Variants in NEO1 observed in about 807,000 individuals in gnomAD.
The protein encoded by NEO1 is neogenin.
NEO1 carries 63 observed loss-of-function variants against 159.7 expected under a neutral mutation model. That is an observed-to-expected ratio of 0.39 (90% CI 0.32 to 0.49). The LOEUF is 0.49. NEO1 is among the 20% of genes least tolerant of loss of function. NEO1 has a pLI of 0.85. For synonymous variants in NEO1, 633 were observed against 662.0 expected (o/e 0.96, Z 0.67); for missense variants, 1,615 against 1,831.0 (o/e 0.88, Z 2.15).
chr15:73,296,303 C>T (rs2042365072), intron 26 of NEO1, among the ~76,000 whole-genome samples: 1 of 152,144 alleles, frequency 6.6e-6, no homozygotes, highest in Non-Finnish European at 1.5e-5. Flanking sequence ...CTAGCCAGCT[C>T]CTACCCTGCC....
intron 7 of NEO1, among the ~76,000 whole-genome samples, chr15:73,190,456 A>G (rs1161277017): frequency 6.6e-6 from 1 of 152,206 alleles, no homozygotes; most frequent in Non-Finnish European, 1.5e-5. Context: ...TTATGGCCAT[A>G]GTAGATAAGA....
chr15:73,088,630 G>T (rs1414708140), intron 1 of NEO1, among the ~76,000 whole-genome samples: 1 of 152,030 alleles, frequency 6.6e-6, no homozygotes, highest in East Asian at 1.9e-4. Flanking sequence ...AATAGAATGG[G>T]TCAGGGTAAA....
intron 15 of NEO1, among the ~76,000 whole-genome samples, chr15:73,263,618 CTTGTTTCTAAAA>C (rs66579100): frequency 0.3 from 46,073 of 151,920 alleles, 7,673 homozygotes; most frequent in East Asian, 0.57. Context: ...TTTTGAAACA[CTTGTTTCTAAAA>C]TTAAAATCTG....
chr15:73,139,301 A>G (rs916746710), intron 5 of NEO1, among the ~76,000 whole-genome samples: 4 of 152,300 alleles, frequency 2.6e-5, no homozygotes, highest in Non-Finnish European at 5.9e-5. Context: ...CAGAAAACAC[A>G]GGCAACGAAA....
intron 5 of NEO1, among the ~76,000 whole-genome samples, chr15:73,159,097 C>T (rs1331131504): frequency 2.0e-5 from 3 of 152,038 alleles, no homozygotes; most frequent in Non-Finnish European, 4.4e-5. Flanking sequence ...GATTCTGTCT[C>T]AAAAATTTTT....
chr15:73,097,721 T>G (rs999191464), intron 1 of NEO1, among the ~76,000 whole-genome samples: 2 of 151,274 alleles, frequency 1.3e-5, no homozygotes, highest in Non-Finnish European at 2.9e-5. Context: ...TATTTTCTAT[T>G]ATGATGAGAT....
chr15:73,136,032 G>T lies in NEO1; in HGVS notation c.1015+5G>T, dbSNP rs369404550. The T allele has an allele frequency of 1.3e-6, 2 of 1,589,330 alleles. No individual in the cohort carries two copies. The highest frequency in any genetic ancestry group is 1.7e-6 in the Non-Finnish European group (2 of 1,172,588). ...AAGCAGAGCTTACAGTGCAAGGTAT[G>T]TAAATATTTACTGTATAATTTAAAA... is the stretch of plus-strand genomic sequence containing the variant. On this transcript the variant is annotated splice_donor_5th_base_variant and intron_variant, in intron 5 of 28. Coordinates refer to ENST00000261908, the MANE Select transcript of NEO1 (RefSeq NM_002499.4).
chr15:73,158,315 A>G (rs2033932762), intron 5 of NEO1, among the ~76,000 whole-genome samples: 1 of 141,708 alleles, frequency 7.1e-6, no homozygotes, highest in Non-Finnish European at 1.5e-5. Flanking sequence ...ATGGCATTTC[A>G]TTGACTTTAC....
intron 5 of NEO1, among the ~76,000 whole-genome samples, chr15:73,158,403 A>C (rs2033938359): frequency 6.6e-6 from 1 of 151,666 alleles, no homozygotes; most frequent in African/African-American, 2.4e-5. Flanking sequence ...GTATATTATT[A>C]TTACCATTTT....
chr15:73,116,502 G>T, intron 1 of NEO1, 38 bp from the exon 2 acceptor site: 2 of 1,470,586 alleles, frequency 1.4e-6, no homozygotes, highest in South Asian at 1.5e-5. Context: ...ATAGAAGAGA[G>T]ATTTGCTTAA....
intron 5 of NEO1, among the ~76,000 whole-genome samples, chr15:73,159,702 G>A (rs1056858715): frequency 3.3e-5 from 5 of 152,032 alleles, no homozygotes; most frequent in African/African-American, 4.8e-5. Context: ...CTATTTGGTG[G>A]TTCCTAATCT....
chr15:73,156,504 A>G (rs2033788606), intron 5 of NEO1, among the ~76,000 whole-genome samples: 2 of 152,188 alleles, frequency 1.3e-5, no homozygotes, highest in Admixed American at 1.3e-4. Flanking sequence ...CTCTTGACCT[A>G]CTGGGAAGCC....
chr15:73,250,609 T>G (rs1055201593), intron 11 of NEO1, among the ~76,000 whole-genome samples: 1 of 152,140 alleles, frequency 6.6e-6, no homozygotes, highest in African/African-American at 2.4e-5. Context: ...CTGATCATGA[T>G]GAAACAATCA....
At chr15:73,222,484 G>A (rs2038351710) in intron 7 of NEO1, among the ~76,000 whole-genome samples, 1 of 151,978 alleles carries the variant, frequency 6.6e-6, no homozygotes, top group Non-Finnish European at 1.5e-5. Context: ...AAAGCTAGGA[G>A]GGTTGTACTT....
In NEO1 at chr15:73,168,322, T is replaced by C. The variant is rs1164872458; in HGVS notation, c.1016-8081T>C. ...CCTCAGCCTCCCAAGTAGCTGGAAT[T>C]ACAGGCATGCACCACAGGGTCCAGC... On this transcript the variant is annotated intron_variant, in intron 5 of 28. Coordinates refer to ENST00000261908, the MANE Select transcript of NEO1 (RefSeq NM_002499.4). Among the ~76,000 whole-genome samples, 6 of 139,658 alleles carry C rather than the reference T, an allele frequency of 4.3e-5. No homozygotes were observed. The East Asian group carries it at 1.3e-3, about 30-fold the overall frequency. The allele number at this position is 139,658 out of a possible 152,430, so 91.6% of individuals were successfully genotyped here. A position where few individuals can be genotyped will look rare whatever the true frequency, so the allele number is the denominator to read the frequency against.
At chr15:73,057,103 C>A (rs1008247663) in intron 1 of NEO1, among the ~76,000 whole-genome samples, 3 of 152,102 alleles carry the variant, frequency 2.0e-5, no homozygotes, top group African/African-American at 7.2e-5. Context: ...AAGAATAATA[C>A]CTTACCTACC....
intron 4 of NEO1, among the ~76,000 whole-genome samples, chr15:73,129,886 C>T (rs1567266129): frequency 6.6e-6 from 1 of 152,110 alleles, no homozygotes; most frequent in Admixed American, 6.6e-5. Flanking sequence ...CCTAAAAACC[C>T]TGGATGTTAC....
At chr15:73,291,909 C>T (rs946803773) in intron 25 of NEO1, among the ~76,000 whole-genome samples, 2 of 152,154 alleles carry the variant, frequency 1.3e-5, no homozygotes, top group African/African-American at 4.8e-5. Flanking sequence ...CCCCCTACCC[C>T]AGCCTGAATT....
chr15:73,266,443 A>C, intron 16 of NEO1, 32 bp downstream of exon 16: 1 of 1,541,856 alleles, frequency 6.5e-7, no homozygotes, highest in South Asian at 1.2e-5. Context: ...AGTCTCCAGC[A>C]CTTTTCCTAG....
Sources: allele counts gnomAD v4.1 joint callset (sites outside exome capture counted in the v4.1 genomes callset), GRCh38; gene constraint gnomAD v4.1.1; transcripts MANE v1.5; gene names NCBI Gene and HGNC (gene_info 2026-07-23, HGNC 2026-07-21).